Variants in EPHA6 observed in about 807,000 individuals in gnomAD.
EPHA6 encodes the protein ephrin type-A receptor 6.
Under a neutral mutation model 112.0 loss-of-function variants are expected in EPHA6, and 50 were observed. The ratio of observed to expected loss-of-function variants is 0.45; its 90% CI spans 0.36 to 0.56. EPHA6 has a LOEUF of 0.56. Ranked by LOEUF, EPHA6 falls within the 20% of genes least tolerant of loss-of-function variation. The pLI, the probability that EPHA6 is intolerant of heterozygous loss-of-function variation, is 0.00. For missense variants in EPHA6, 1,280 were observed against 1,417.4 expected (o/e 0.90, Z 1.56); for synonymous variants, 529 against 490.7 (o/e 1.08, Z -1.03).
intron 2 of EPHA6, among the ~76,000 whole-genome samples, chr3:96,947,167 A>C (rs2041309195): frequency 6.6e-6 from 1 of 152,084 alleles, no homozygotes; most frequent in Non-Finnish European, 1.5e-5. Context: ...TTTGCTGTGC[A>C]GAACCTCTTG....
chr3:97,643,009 A>G (rs1457523300), intron 14 of EPHA6, among the ~76,000 whole-genome samples: 2 of 151,852 alleles, frequency 1.3e-5, no homozygotes, highest in Non-Finnish European at 2.9e-5. Flanking sequence ...CAAAGTTGAA[A>G]TGAAGGAAAA....
chr3:97,708,076 A>T (rs1339326388), intron 14 of EPHA6, among the ~76,000 whole-genome samples: 2 of 152,228 alleles, frequency 1.3e-5, no homozygotes, highest in African/African-American at 2.4e-5. Flanking sequence ...TGTGAAAGCA[A>T]CTTTGGAACT....
intron 3 of EPHA6, among the ~76,000 whole-genome samples, chr3:97,009,008 T>C (rs1379850677): frequency 6.6e-6 from 1 of 152,082 alleles, no homozygotes; most frequent in African/African-American, 2.4e-5. Context: ...CTTCTCCTTC[T>C]TTTGGCACCT....
At chr3:96,945,753 T>C (rs1320804325) in intron 2 of EPHA6, among the ~76,000 whole-genome samples, 1 of 152,154 alleles carries the variant, frequency 6.6e-6, no homozygotes, top group African/African-American at 2.4e-5. Context: ...ATTAAAGTTG[T>C]AAAATTTATC....
intron 1 of EPHA6, among the ~76,000 whole-genome samples, chr3:96,853,481 T>C (rs2035515912): frequency 6.6e-6 from 1 of 152,094 alleles, no homozygotes; most frequent in Admixed American, 6.5e-5. Flanking sequence ...ATGCATTGAC[T>C]GTTTCTGTGT....
chr3:97,700,271 G>A (rs987261715), intron 14 of EPHA6, among the ~76,000 whole-genome samples: 4 of 152,180 alleles, frequency 2.6e-5, no homozygotes, highest in African/African-American at 9.7e-5. Context: ...TCTGTCTCCT[G>A]TTCTCCAGTG....
intron 3 of EPHA6, among the ~76,000 whole-genome samples, chr3:96,994,004 C>T (rs2043311983): frequency 6.6e-6 from 1 of 152,016 alleles, no homozygotes; most frequent in African/African-American, 2.4e-5. Context: ...ATTTAAATAA[C>T]TTGTTATGAT....
intron 3 of EPHA6, among the ~76,000 whole-genome samples, chr3:97,044,420 G>A: frequency 6.6e-6 from 1 of 152,072 alleles, no homozygotes; most frequent in East Asian, 1.9e-4. Context: ...AAGGCAGGAA[G>A]GCTCAAAACC....
At chr3:96,838,059 T>G (rs1339040900) in intron 1 of EPHA6, among the ~76,000 whole-genome samples, 3 of 151,938 alleles carry the variant, frequency 2.0e-5, no homozygotes. Context: ...CAGGCCCCAG[T>G]GTGTGTTGTT....
intron 7 of EPHA6, among the ~76,000 whole-genome samples, 176 bp from the exon 8 acceptor site, chr3:97,475,176 T>G (rs990415812): frequency 1.3e-5 from 2 of 152,118 alleles, no homozygotes; most frequent in African/African-American, 4.8e-5. Flanking sequence ...TCTTCAGCCC[T>G]GAGTCAAAAC....
intron 3 of EPHA6, among the ~76,000 whole-genome samples, chr3:97,147,471 C>T (rs1433690158): frequency 6.6e-6 from 1 of 151,918 alleles, no homozygotes; most frequent in Non-Finnish European, 1.5e-5. Context: ...CACAAAGTGG[C>T]ACTACTTACT....
chr3:97,616,930 A>G (rs1452041719), intron 13 of EPHA6, among the ~76,000 whole-genome samples: 1 of 152,176 alleles, frequency 6.6e-6, no homozygotes, highest in African/African-American at 2.4e-5. Context: ...AAATGCAGAG[A>G]ACCCCAGTAA....
At chr3:97,591,736 G>A (rs573189652) in intron 11 of EPHA6, among the ~76,000 whole-genome samples, 7 of 152,268 alleles carry the variant, frequency 4.6e-5, no homozygotes, top group South Asian at 2.1e-4. Context: ...AAAGTGCAGA[G>A]TTTCTAACTC....
chr3:97,340,539 T>C (rs72926333), intron 5 of EPHA6, among the ~76,000 whole-genome samples: 17,121 of 152,168 alleles, frequency 0.11, 2,966 homozygotes, highest in African/African-American at 0.37. Flanking sequence ...AGTCCAAAGC[T>C]GAGAAAGGGA....
intron 11 of EPHA6, among the ~76,000 whole-genome samples, chr3:97,550,377 C>A (rs1322890886): frequency 6.6e-6 from 1 of 152,202 alleles, no homozygotes; most frequent in East Asian, 1.9e-4. Flanking sequence ...ATGTATCTTT[C>A]AAGATGTTGC....
chr3:97,399,548 C>T (rs747272256), intron 5 of EPHA6, among the ~76,000 whole-genome samples: 13 of 151,648 alleles, frequency 8.6e-5, no homozygotes, highest in South Asian at 2.1e-4. Flanking sequence ...TTTACATTCC[C>T]ACTGGCAGTG....
rs960507352 is a variant in EPHA6 at position 97,028,983 on chromosome 3, A to G, written c.1114+40990A>G. On this transcript the variant is annotated intron_variant, in intron 3 of 17. Transcript: ENST00000389672. ...GGATATAATAGCTTCAAACATTTAT[A>G]AACAAGAAGGAAATGAAATATTGGA... 8.6e-5 allele frequency among the ~76,000 whole-genome samples: 13 copies of G among 151,764 alleles called. No homozygotes were observed. The South Asian group carries it at 1.2e-3, about 15-fold the overall frequency.
At chr3:97,676,057 T>G (rs148622665) in intron 14 of EPHA6, among the ~76,000 whole-genome samples, 1 of 152,118 alleles carries the variant, frequency 6.6e-6, no homozygotes, top group African/African-American at 2.4e-5. Flanking sequence ...TTGGATATGT[T>G]AAGTTTGATG....
At chr3:96,828,050 A>G (rs1186117786) in intron 1 of EPHA6, among the ~76,000 whole-genome samples, 1 of 152,160 alleles carries the variant, frequency 6.6e-6, no homozygotes, top group African/African-American at 2.4e-5. Flanking sequence ...TTACTTTGAA[A>G]CTTTCGCCAG....
Sources: allele counts gnomAD v4.1 joint callset (sites outside exome capture counted in the v4.1 genomes callset), GRCh38; gene constraint gnomAD v4.1.1; transcripts MANE v1.5; gene names NCBI Gene and HGNC (gene_info 2026-07-23, HGNC 2026-07-21).